CD1B: variants seen among roughly 807,000 people sequenced by gnomAD.
The protein encoded by CD1B is T-cell surface glycoprotein CD1b.
Under a neutral mutation model 39.8 loss-of-function variants are expected in CD1B, and 43 were observed. That is an observed-to-expected ratio of 1.08 (90% confidence interval 0.85 to 1.39). The LOEUF is 1.39. Ranked by LOEUF, CD1B falls within the 40% of genes most tolerant of loss-of-function variation. CD1B has a pLI of 0.00. For missense variants in CD1B, 495 were observed against 403.8 expected, an observed-to-expected ratio of 1.23 and a Z score of -1.94; for synonymous variants, 192 against 152.5, an observed-to-expected ratio of 1.26 and a Z score of -1.91.
the CD1B span, among the ~76,000 whole-genome samples, chr1:158,312,443 T>C: frequency 6.6e-6 from 1 of 152,244 alleles, no homozygotes; most frequent in African/African-American, 2.4e-5. Flanking sequence ...TTTTGTAAAT[T>C]ATCTAGTCTC....
At chr1:158,298,778 T>A in the CD1B span, among the ~76,000 whole-genome samples, 2 of 152,216 alleles carry the variant, frequency 1.3e-5, no homozygotes, top group Non-Finnish European at 2.9e-5. Context: ...TTTGAAGCGA[T>A]TGTGAATGGG....
chr1:158,308,900 C>T, the CD1B span, among the ~76,000 whole-genome samples: 3 of 152,252 alleles, frequency 2.0e-5, no homozygotes, highest in Admixed American at 6.5e-5. Flanking sequence ...CTAGGCAATA[C>T]CATTCAGGAC....
the CD1B span, among the ~76,000 whole-genome samples, chr1:158,316,144 CT>C: frequency 1.3e-5 from 2 of 151,938 alleles, no homozygotes; most frequent in Non-Finnish European, 2.9e-5. Flanking sequence ...AATGCGGGCT[CT>C]TTTTTGGTTC....
downstream of CD1B, among the ~76,000 whole-genome samples, chr1:158,326,762 A>G (rs1287876938): frequency 6.6e-6 from 1 of 151,942 alleles, no homozygotes; most frequent in African/African-American, 2.4e-5. Context: ...TAGTTTTTAT[A>G]CTGCTTTATG....
At chr1:158,285,513 A>G in the CD1B span, among the ~76,000 whole-genome samples, 1 of 152,250 alleles carries the variant, frequency 6.6e-6, no homozygotes, top group African/African-American at 2.4e-5. Flanking sequence ...AAGGGATTCA[A>G]ACAAAGGATA....
At chr1:158,289,568 C>A in the CD1B span, among the ~76,000 whole-genome samples, 1 of 151,892 alleles carries the variant, frequency 6.6e-6, no homozygotes, top group African/African-American at 2.4e-5. Context: ...ACTTTGAGGA[C>A]ATTCAAAAGG....
chr1:158,296,118 G>A, the CD1B span, among the ~76,000 whole-genome samples: 1 of 152,004 alleles, frequency 6.6e-6, no homozygotes, highest in Non-Finnish European at 1.5e-5. Flanking sequence ...GCCAGTACAT[G>A]CATGTGAGAG....
chr1:158,315,156 C>T, the CD1B span, among the ~76,000 whole-genome samples: 564 of 151,836 alleles, frequency 3.7e-3, no homozygotes, highest in African/African-American at 0.013. Flanking sequence ...ATTTATAATC[C>T]TTTGGGTATA....
the CD1B span, among the ~76,000 whole-genome samples, chr1:158,311,562 C>T: frequency 2.0e-5 from 3 of 152,006 alleles, no homozygotes; most frequent in Non-Finnish European, 2.9e-5. Flanking sequence ...GAGGTCTTAT[C>T]GAAAATCTTT....
chr1:158,328,509 A>C (rs1252231678), intron 5 of CD1B, among the ~76,000 whole-genome samples: 1 of 152,254 alleles, frequency 6.6e-6, no homozygotes, highest in African/African-American at 2.4e-5. Flanking sequence ...ACAAATATTT[A>C]CAATTCCACT....
chr1:158,310,689 T>C, the CD1B span, among the ~76,000 whole-genome samples: 1 of 152,098 alleles, frequency 6.6e-6, no homozygotes, highest in Non-Finnish European at 1.5e-5. Context: ...GACATATACA[T>C]AGCCAACAAG....
chr1:158,328,334 G>T, intron 5 of CD1B, 77 bp from the exon 6 acceptor site: 1 of 1,255,568 alleles, frequency 8.0e-7, no homozygotes, highest in South Asian at 1.3e-5. Context: ...TATTATTCAT[G>T]ATAGTTAAAA....
chr1:158,292,383 C>A, the CD1B span: 1 of 1,602,666 alleles, frequency 6.2e-7, no homozygotes, highest in Admixed American at 1.7e-5. Context: ...GTTTCAGCCC[C>A]TTCCTCTAAG....
At chr1:158,317,745 C>T in the CD1B span, among the ~76,000 whole-genome samples, 3 of 152,048 alleles carry the variant, frequency 2.0e-5, no homozygotes, top group Admixed American at 1.3e-4. Flanking sequence ...GTTCTTTTAA[C>T]TGTGATGTTA....
chr1:158,292,985 T>C, the CD1B span: 1 of 1,075,150 alleles, frequency 9.3e-7, no homozygotes, highest in Non-Finnish European at 1.3e-6. Flanking sequence ...AAGAAATGTA[T>C]AGGGTAATTT....
the CD1B span, among the ~76,000 whole-genome samples, chr1:158,297,317 G>T: frequency 6.6e-6 from 1 of 152,150 alleles, no homozygotes; most frequent in Non-Finnish European, 1.5e-5. Flanking sequence ...TTAAAGAAAA[G>T]AAATTCTGAC....
At chr1:158,289,013 G>A in the CD1B span, among the ~76,000 whole-genome samples, 23 of 152,142 alleles carry the variant, frequency 1.5e-4, no homozygotes, top group Admixed American at 8.5e-4. Context: ...TATCACAATC[G>A]TATACCATTC....
the CD1B span, among the ~76,000 whole-genome samples, chr1:158,304,201 G>C: frequency 6.6e-6 from 1 of 152,100 alleles, no homozygotes; most frequent in Non-Finnish European, 1.5e-5. Flanking sequence ...TCAAAGAAAG[G>C]GGTGACAGAT....
rs954620165 is a variant in CD1B at position 158,329,307 on chromosome 1, C to A, written c.886+63G>T. The stretch of plus-strand genomic sequence containing the variant: ...TCTCAAGCTCTATCCTTCCCCAGTG[C>A]CTCCCTCTATGCCTGAAGATCACTT... On this transcript the variant is annotated intron_variant, in intron 4 of 5. Coordinates refer to ENST00000368168, the MANE Select transcript of CD1B (RefSeq NM_001764.3). The A allele has an allele frequency of 5.2e-6, 8 of 1,552,278 alleles. No homozygotes were observed. In the African/African-American group the frequency reaches 9.5e-5, roughly 18 times the overall value.
Sources: gnomAD v4.1 joint callset for allele counts (sites outside exome capture counted in the v4.1 genomes callset) on GRCh38, gnomAD v4.1.1 for gene constraint, MANE v1.5 for transcripts, NCBI Gene and HGNC (gene_info 2026-07-23, HGNC 2026-07-21) for gene names.